The following NSRP1 variants were observed in gnomAD, a reference collection of about 807,000 sequenced individuals.
The protein encoded by NSRP1 is coiled-coil domain containing 55.
Under a neutral mutation model 54.7 loss-of-function variants are expected in NSRP1, and 24 were observed. The observed-to-expected ratio is 0.44, with a 90% CI of 0.32 to 0.62. The LOEUF is 0.62. NSRP1 is among the 20% of genes least tolerant of loss of function. NSRP1 has a pLI of 0.06. For missense variants in NSRP1, 596 were observed against 651.2 expected (o/e 0.92, Z 0.92); for synonymous variants, 210 against 213.8 (o/e 0.98, Z 0.15).
At chr17:30,145,322 CCT>C (rs10582346) in intron 2 of NSRP1, among the ~76,000 whole-genome samples, 75,368 of 151,910 alleles carry the variant, frequency 0.5, 19,246 homozygotes, top group East Asian at 0.82. Flanking sequence ...GTGGCTCACA[CCT>C]CTCTAATCCC....
chr17:30,178,343 G>T, intron 4 of NSRP1, 144 bp downstream of exon 4: 1 of 841,020 alleles, frequency 1.2e-6, no homozygotes, highest in South Asian at 2.1e-5. Flanking sequence ...TTACAAATTT[G>T]ATTGTAGAAC....
chr17:30,151,969 A>G (rs1004718485), intron 2 of NSRP1, among the ~76,000 whole-genome samples: 3 of 151,538 alleles, frequency 2.0e-5, no homozygotes, highest in African/African-American at 7.3e-5. Context: ...GGGTTTCTCC[A>G]TGTTGGTCAG....
chr17:30,172,786 A>G (rs1456047743), intron 3 of NSRP1, among the ~76,000 whole-genome samples, 188 bp downstream of exon 3: 2 of 152,068 alleles, frequency 1.3e-5, no homozygotes, highest in Non-Finnish European at 2.9e-5. Flanking sequence ...CATTAGTCTA[A>G]TAATGGATTG....
chr17:30,163,546 A>C (rs111849315), intron 2 of NSRP1, among the ~76,000 whole-genome samples: 8 of 152,062 alleles, frequency 5.3e-5, no homozygotes, highest in African/African-American at 1.9e-4. Context: ...CTGCTATTCA[A>C]AATGAAGCAA....
chr17:30,159,609 A>G (rs1904437568), intron 2 of NSRP1, among the ~76,000 whole-genome samples: 1 of 152,018 alleles, frequency 6.6e-6, no homozygotes, highest in African/African-American at 2.4e-5. Context: ...GGTTTGTCAT[A>G]TATGGCCTTT....
chr17:30,175,234 T>C (rs1905087449), intron 3 of NSRP1, among the ~76,000 whole-genome samples: 2 of 152,324 alleles, frequency 1.3e-5, no homozygotes, highest in Admixed American at 1.3e-4. Flanking sequence ...ATCTTACAGA[T>C]TTTGATAGGC....
intron 1 of NSRP1, 69 bp downstream of exon 1, chr17:30,116,932 G>A: frequency 1.3e-6 from 2 of 1,539,140 alleles, no homozygotes; most frequent in Non-Finnish European, 1.8e-6. Context: ...TTTGGCCGAG[G>A]AGTTTTAAAT....
chr17:30,182,531 C>T (rs1438770218), intron 6 of NSRP1, among the ~76,000 whole-genome samples: 1 of 151,888 alleles, frequency 6.6e-6, no homozygotes, highest in East Asian at 1.9e-4. Flanking sequence ...AATCCCACCT[C>T]CTGGGGAGGT....
chr17:30,162,310 G>A (rs1221404064), intron 2 of NSRP1, among the ~76,000 whole-genome samples: 5 of 152,038 alleles, frequency 3.3e-5, no homozygotes, highest in Non-Finnish European at 5.9e-5. Flanking sequence ...GATTACAGGC[G>A]TGAGCCACTG....
chr17:30,184,683 A>C lies in NSRP1; in HGVS notation c.686A>C (p.Gln229Pro). Reference protein sequence around the residue: ...NEVSSKNRIPQEKCILQTDVK... With the variant: ...NEVSSKNRIPPEKCILQTDVK... ...GTAAGTTCAAAAAACAGAATACCAC[A>C]AGAGAAATGCATTCTTCAAACTGAT... The change falls in exon 7 of 7, where the codon CAA becomes CCA. Residue 229 changes from glutamine (Q) to proline (P), a missense_variant. By Grantham distance (76) the Gln-to-Pro change is moderately conservative (BLOSUM62 -1). Coordinates refer to ENST00000247026, the MANE Select transcript of NSRP1 (RefSeq NM_032141.4). The C allele has an allele frequency of 6.2e-7, 1 of 1,611,816 alleles. No homozygotes were observed. Among genetic ancestry groups the C allele is most frequent in the Middle Eastern group, 1.7e-4 (1 of 6,018 alleles).
At chr17:30,117,355 T>C (rs1567786309) in intron 1 of NSRP1, 1 of 528,542 alleles carries the variant, frequency 1.9e-6, no homozygotes, top group Admixed American at 3.7e-5. Context: ...GAAATTGGGG[T>C]ATACGTTGCC....
chr17:30,184,855 A>G lies in NSRP1; in HGVS notation c.858A>G (p.Gln286=). 6.2e-7 allele frequency: 1 copy of G among 1,614,168 alleles called. No homozygotes were observed. The change falls in exon 7 of 7, where the codon CAA becomes CAG. Residue 286 remains glutamine, a synonymous_variant. Transcript: ENST00000247026. ...PENDFKHHRS[Q]NHSRSPSEER... is the part of the protein sequence containing the mutation. ...ATGACTTCAAGCACCACAGGAGTCA[A>G]AACCACTCTCGGTCACCTAGTGAAG...
At chr17:30,175,648 G>A (rs143262962) in intron 3 of NSRP1, among the ~76,000 whole-genome samples, 105 of 151,986 alleles carry the variant, frequency 6.9e-4, no homozygotes, top group African/African-American at 2.4e-3. Context: ...CAGGAGATCC[G>A]CCCGTCTTCG....
chr17:30,154,215 G>T (rs1272066380), intron 2 of NSRP1, among the ~76,000 whole-genome samples: 3 of 151,992 alleles, frequency 2.0e-5, no homozygotes. Context: ...CAGCTACTCG[G>T]GAGGCTGAGG....
intron 2 of NSRP1, among the ~76,000 whole-genome samples, chr17:30,161,212 G>A (rs1904502948): frequency 6.6e-6 from 1 of 152,260 alleles, no homozygotes; most frequent in Admixed American, 6.5e-5. Flanking sequence ...TTCTTTATGT[G>A]TACATAGGCT....
intron 2 of NSRP1, 67 bp downstream of exon 2, chr17:30,118,240 ACT>A: frequency 2.5e-6 from 3 of 1,193,686 alleles, no homozygotes; most frequent in East Asian, 2.3e-5. Flanking sequence ...TGAACTTGTG[ACT>A]CTGATACCTT....
chr17:30,167,688 A>G (rs1055616095), intron 2 of NSRP1, among the ~76,000 whole-genome samples: 2 of 152,158 alleles, frequency 1.3e-5, no homozygotes, highest in Non-Finnish European at 2.9e-5. Context: ...TGTATTTAAG[A>G]TATTTGTTAA....
chr17:30,151,956 A>G (rs2071915742), intron 2 of NSRP1, among the ~76,000 whole-genome samples: 1 of 151,344 alleles, frequency 6.6e-6, no homozygotes, highest in South Asian at 2.1e-4. Flanking sequence ...TTTAGTAGAT[A>G]CAGGGTTTCT....
chr17:30,122,280 C>A (rs548974886), intron 2 of NSRP1: 1 of 126,224 alleles, frequency 7.9e-6, no homozygotes, highest in Non-Finnish European at 1.6e-5. Context: ...GATATGTTTT[C>A]ATTTCCATTG....
Sources: gnomAD v4.1 joint callset for allele counts (sites outside exome capture counted in the v4.1 genomes callset) on GRCh38, gnomAD v4.1.1 for gene constraint, MANE v1.5 for transcripts, NCBI Gene and HGNC (gene_info 2026-07-23, HGNC 2026-07-21) for gene names.